PRPSAP1: variants seen among roughly 807,000 people sequenced by gnomAD.
PRPSAP1 encodes phosphoribosyl pyrophosphate synthase-associated protein 1.
In PRPSAP1, 31 loss-of-function variants were observed where a neutral mutation model predicts 39.4. The observed-to-expected ratio is 0.79, with a 90% CI of 0.59 to 1.06. PRPSAP1 has a LOEUF of 1.06. PRPSAP1 is among the 50% of genes least tolerant of loss of function. PRPSAP1 has a pLI of 0.00. For synonymous variants in PRPSAP1, 212 were observed against 192.6 expected (o/e 1.10, Z -0.83); for missense variants, 430 against 511.6 (o/e 0.84, Z 1.54).
chr17:76,320,371 C>G (rs1458143847), intron 7 of PRPSAP1, among the ~76,000 whole-genome samples: 10 of 139,460 alleles, frequency 7.2e-5, no homozygotes, highest in South Asian at 2.3e-4. Flanking sequence ...GGAAGAAAGG[C>G]AGGCATACTT....
chr17:76,322,176 C>A (rs556843435), intron 7 of PRPSAP1, among the ~76,000 whole-genome samples: 12 of 152,272 alleles, frequency 7.9e-5, no homozygotes, highest in South Asian at 6.2e-4. Context: ...GCAGTTAGAT[C>A]ATTTGAGGTC....
At chr17:76,313,097 T>G in intron 8 of PRPSAP1, 81 bp from the exon 9 acceptor site, 2 of 1,444,590 alleles carry the variant, frequency 1.4e-6, no homozygotes, top group Non-Finnish European at 1.9e-6. Flanking sequence ...CTCTACTCTC[T>G]TCTGCACTCA....
At chr17:76,319,728 C>T (rs1367227439) in intron 7 of PRPSAP1, among the ~76,000 whole-genome samples, 1 of 151,770 alleles carries the variant, frequency 6.6e-6, no homozygotes, top group Non-Finnish European at 1.5e-5. Context: ...GCTGGGATTA[C>T]AGGCGTGAGC....
chr17:76,328,632 AACAAC>A, intron 7 of PRPSAP1, 80 bp downstream of exon 7: 13 of 1,470,720 alleles, frequency 8.8e-6, no homozygotes, highest in Non-Finnish European at 1.2e-5. Flanking sequence ...AACAAAACAA[AACAAC>A]AACAACAAAA....
rs182239167 is a variant in PRPSAP1, at chr17:76,317,816, C to T, written c.782-3925G>A. Among the ~76,000 whole-genome samples, 3 of 152,314 alleles carry T rather than the reference C, an allele frequency of 2.0e-5. No individual in the cohort carries two copies. The East Asian group carries it at 5.8e-4, about 29-fold the overall frequency. On this transcript the variant is annotated intron_variant, in intron 7 of 9. Transcript: ENST00000446526. The stretch of plus-strand genomic sequence containing the variant: ...GCAAATGTAGTCTTCTTCAGCAGAA[C>T]CCCCAACATATAATCTTTTCAAGTT...
intron 2 of PRPSAP1, among the ~76,000 whole-genome samples, chr17:76,346,326 G>T (rs2071500912): frequency 6.6e-6 from 1 of 152,150 alleles, no homozygotes; most frequent in East Asian, 1.9e-4. Context: ...AGTTTTGAGA[G>T]ACTTCCTCTC....
chr17:76,314,000 A>C (rs1450071639), intron 7 of PRPSAP1, 109 bp from the exon 8 acceptor site: 2 of 1,143,550 alleles, frequency 1.7e-6, no homozygotes, highest in East Asian at 2.6e-5. Flanking sequence ...ATACAGACAA[A>C]AAACAAACAA....
At chr17:76,320,442 T>TTTTGAGATGGAG (rs1555592820) in intron 7 of PRPSAP1, among the ~76,000 whole-genome samples, 1 of 145,026 alleles carries the variant, frequency 6.9e-6, no homozygotes. Context: ...TTTTTTTTTT[T>TTTTGAGATGGAG]GAGATGGAGT....
intron 9 of PRPSAP1, among the ~76,000 whole-genome samples, chr17:76,312,362 G>C (rs983559257): frequency 6.6e-6 from 1 of 151,894 alleles, no homozygotes; most frequent in Non-Finnish European, 1.5e-5. Flanking sequence ...GTTTGAACCC[G>C]GGAGGCAGAG....
chr17:76,344,384 C>A (rs563635427), intron 3 of PRPSAP1, among the ~76,000 whole-genome samples: 2 of 152,304 alleles, frequency 1.3e-5, no homozygotes, highest in South Asian at 4.1e-4. Context: ...CCGCCTCGGC[C>A]TCCCAAAGTG....
chr17:76,335,185 G>C (rs2071364770), intron 3 of PRPSAP1, among the ~76,000 whole-genome samples: 1 of 152,090 alleles, frequency 6.6e-6, no homozygotes, highest in African/African-American at 2.4e-5. Flanking sequence ...CTGGGTTCAT[G>C]CAATCTTCCC....
chr17:76,338,783 C>T (rs1206190214), intron 3 of PRPSAP1, among the ~76,000 whole-genome samples: 1 of 151,896 alleles, frequency 6.6e-6, no homozygotes. Flanking sequence ...CCTGTAATCC[C>T]AGGACTTTGG....
intron 7 of PRPSAP1, among the ~76,000 whole-genome samples, chr17:76,321,672 C>G (rs1256416490): frequency 6.6e-6 from 1 of 152,134 alleles, no homozygotes; most frequent in Non-Finnish European, 1.5e-5. Flanking sequence ...ACAATGGCCT[C>G]TAAGTGTTTA....
At chr17:76,315,601 G>A (rs1473194142) in intron 7 of PRPSAP1, among the ~76,000 whole-genome samples, 3 of 151,948 alleles carry the variant, frequency 2.0e-5, no homozygotes, top group Admixed American at 6.6e-5. Flanking sequence ...ACTTAAAATG[G>A]GGGGAGGGGG....
intron 3 of PRPSAP1, among the ~76,000 whole-genome samples, chr17:76,340,145 CAA>C (rs71161288): frequency 6.0e-4 from 47 of 77,722 alleles, no homozygotes; most frequent in Admixed American, 6.1e-4. Context: ...GGCCTTGTCT[CAA>C]AAAAAAAAAA....
intron 1 of PRPSAP1, chr17:76,353,121 T>G: frequency 6.3e-6 from 1 of 157,788 alleles, no homozygotes; most frequent in Non-Finnish European, 1.4e-5. Flanking sequence ...CGCCCGCGGG[T>G]CTCACTGCAG....
intron 7 of PRPSAP1, among the ~76,000 whole-genome samples, chr17:76,324,292 G>A (rs1199885780): frequency 6.6e-6 from 1 of 151,228 alleles, no homozygotes; most frequent in Non-Finnish European, 1.5e-5. Context: ...TACATCACCT[G>A]GCTGACATTT....
At chr17:76,326,791 TAC>T (rs1262219876) in intron 7 of PRPSAP1, among the ~76,000 whole-genome samples, 1 of 152,192 alleles carries the variant, frequency 6.6e-6, no homozygotes, top group Admixed American at 6.6e-5. Context: ...GTCTGTAGAT[TAC>T]AGTGTTACAG....
At chr17:76,354,058 G>A (rs906838633), upstream of PRPSAP1, 2 of 1,077,988 alleles carry the variant, frequency 1.9e-6, no homozygotes, top group Admixed American at 5.4e-5. Context: ...CCCCGCCCCT[G>A]CTTTGACCGC....
Sources: allele counts gnomAD v4.1 joint callset (sites outside exome capture counted in the v4.1 genomes callset), GRCh38; gene constraint gnomAD v4.1.1; transcripts MANE v1.5; gene names NCBI Gene and HGNC (gene_info 2026-07-23, HGNC 2026-07-21).